The following ETV5 variants were observed in gnomAD, a reference collection of about 807,000 sequenced individuals.
The protein encoded by ETV5 is ETS translocation variant 5.
Under a neutral mutation model 70.0 loss-of-function variants are expected in ETV5, and 10 were observed. That is an observed-to-expected ratio of 0.14 (90% CI 0.09 to 0.24). The LOEUF is 0.24. ETV5 is among the 10% of genes least tolerant of loss of function. The probability of loss-of-function intolerance (pLI) is 1.00; values close to 1 mark genes in which losing one functional copy is unlikely to be tolerated. For missense variants in ETV5, 453 were observed against 651.2 expected (o/e 0.70, Z 3.31); for synonymous variants, 216 against 242.2 (o/e 0.89, Z 1.01).
At chr3:186,092,596 C>G (rs1315100436) in intron 5 of ETV5, among the ~76,000 whole-genome samples, 1 of 151,838 alleles carries the variant, frequency 6.6e-6, no homozygotes, top group African/African-American at 2.4e-5. Context: ...CCACACGCAG[C>G]TACATTTTTT....
intron 5 of ETV5, among the ~76,000 whole-genome samples, chr3:186,081,536 A>G (rs1228295811): frequency 1.3e-5 from 2 of 152,194 alleles, no homozygotes; most frequent in Non-Finnish European, 2.9e-5. Flanking sequence ...TGTTTCCAAA[A>G]AGGACAAAAC....
chr3:186,108,308 G>C (rs1455284508), intron 1 of ETV5: 1 of 450,886 alleles, frequency 2.2e-6, no homozygotes, highest in Non-Finnish European at 4.4e-6. Flanking sequence ...GTTCCGGTGC[G>C]CCCCGATTTT....
intron 5 of ETV5, among the ~76,000 whole-genome samples, chr3:186,099,604 A>C (rs563109189): frequency 2.0e-5 from 3 of 152,340 alleles, no homozygotes; most frequent in African/African-American, 7.2e-5. Flanking sequence ...TCGGCAGAGA[A>C]TCACACACCC....
chr3:186,046,820 T>A lies in ETV5; in HGVS notation c.*1819A>T, dbSNP rs902437013. 4.3e-6 allele frequency: 1 copy of A among 232,292 alleles called. No homozygotes were observed. 14.4% of individuals were successfully genotyped at this position (232,292 alleles called of 1,614,324 possible). Reference sequence around the variant, plus strand: ...GTGTAGGTTAAGAAAGCTATAAATATGGTTTAGAAAGAGTCCTTTGATTAG... The same window carrying A: ...GTGTAGGTTAAGAAAGCTATAAATAAGGTTTAGAAAGAGTCCTTTGATTAG... On this transcript the variant is annotated 3_prime_UTR_variant, in exon 13 of 13. Coordinates refer to ENST00000306376, the MANE Select transcript of ETV5 (RefSeq NM_004454.3).
intron 9 of ETV5, among the ~76,000 whole-genome samples, chr3:186,061,043 G>A (rs1021791277): frequency 6.6e-6 from 1 of 152,116 alleles, no homozygotes; most frequent in African/African-American, 2.4e-5. Flanking sequence ...ACATCACAGG[G>A]TACCCAGTGA....
intron 12 of ETV5, among the ~76,000 whole-genome samples, chr3:186,050,733 G>A (rs186246155): frequency 2.0e-5 from 3 of 152,136 alleles, no homozygotes; most frequent in Non-Finnish European, 2.9e-5. Context: ...CACTCCAGTG[G>A]GGGGTAGTAA....
At position 186,105,996 on chromosome 3, in the gene ETV5, A is replaced by T; in HGVS notation, c.-74-54T>A. 1 of 1,345,230 alleles carries T rather than the reference A, an allele frequency of 7.4e-7. No homozygotes were observed. The highest frequency in any genetic ancestry group is 1.0e-6 in the Non-Finnish European group (1 of 964,998). 83.3% of individuals were successfully genotyped at this position (1,345,230 alleles called of 1,614,324 possible). On this transcript the variant is annotated intron_variant, in intron 1 of 12. Coordinates refer to ENST00000306376, the MANE Select transcript of ETV5 (RefSeq NM_004454.3). This position sits in a 1 kb window ranked among gnomAD's most constrained non-coding sequence, Gnocchi z 4.5. ...TAAGAGGGGGGAAAAAAAGAAATGA[A>T]ACAATTTTAGACTGCCTTTTTTTTA...
At chr3:186,070,352 C>G (rs891135050) in intron 7 of ETV5, among the ~76,000 whole-genome samples, 1 of 152,240 alleles carries the variant, frequency 6.6e-6, no homozygotes, top group African/African-American at 2.4e-5. Flanking sequence ...TAGTGCTCAT[C>G]TTTTCTCACC....
chr3:186,061,068 T>A (rs998945251), intron 9 of ETV5, among the ~76,000 whole-genome samples: 48 of 152,178 alleles, frequency 3.2e-4, no homozygotes, highest in African/African-American at 1.1e-3. Context: ...ACACTCGGTC[T>A]CCCATCTAAC....
At position 186,057,594 on chromosome 3, in the gene ETV5, C is replaced by A. The variant is rs1035919879; in HGVS notation, c.971-103G>T. Reference sequence around the variant, plus strand: ...GAGTGCAATCCTATCATTTCAGATCCTAAGTCCTACTGCTGTATCTATGGC... The same window carrying A: ...GAGTGCAATCCTATCATTTCAGATCATAAGTCCTACTGCTGTATCTATGGC... On this transcript the variant is annotated intron_variant, in intron 9 of 12. Coordinates refer to ENST00000306376, the MANE Select transcript of ETV5 (RefSeq NM_004454.3). The surrounding 1 kb of genome is among the most constrained non-coding windows in gnomAD (Gnocchi z 4.9). The A allele has an allele frequency of 1.0e-6, 1 of 958,506 alleles. No individual in the cohort carries two copies. Among genetic ancestry groups the A allele is most frequent in the Non-Finnish European group, 1.7e-6 (1 of 594,974 alleles). 59.4% of individuals were successfully genotyped at this position (958,506 alleles called of 1,614,324 possible).
At chr3:186,071,864 C>T (rs1041772499) in intron 7 of ETV5, among the ~76,000 whole-genome samples, 1 of 151,678 alleles carries the variant, frequency 6.6e-6, no homozygotes, top group Non-Finnish European at 1.5e-5. Context: ...GTGGCGCGAT[C>T]TCGGCTCACC....
intron 7 of ETV5, among the ~76,000 whole-genome samples, 167 bp from the exon 8 acceptor site, chr3:186,066,239 G>A (rs914408664): frequency 4.3e-5 from 5 of 116,392 alleles, no homozygotes; most frequent in Non-Finnish European, 8.2e-5. Context: ...TGTGTATTTC[G>A]AAGCTCTTGA....
chr3:186,077,950 C>G (rs990699439), intron 7 of ETV5: 1 of 1,042,216 alleles, frequency 9.6e-7, no homozygotes, highest in African/African-American at 1.7e-5. Context: ...GTCCAAAATG[C>G]ACAGGCAGAC....
chr3:186,093,548 A>G (rs1333186578), intron 5 of ETV5, among the ~76,000 whole-genome samples: 1 of 152,242 alleles, frequency 6.6e-6, no homozygotes, highest in Non-Finnish European at 1.5e-5. Flanking sequence ...CTGGCAATCA[A>G]ATACCCAGAT....
intron 6 of ETV5, 112 bp downstream of exon 6, chr3:186,080,934 G>A: frequency 7.6e-7 from 1 of 1,323,344 alleles, no homozygotes; most frequent in South Asian, 1.4e-5. Context: ...AGAAGGATAT[G>A]TTTTACCACA....
At chr3:186,095,904 G>A (rs553486760) in intron 5 of ETV5, among the ~76,000 whole-genome samples, 4 of 152,192 alleles carry the variant, frequency 2.6e-5, no homozygotes, top group Admixed American at 6.5e-5. Context: ...GGTGGTGTGC[G>A]GGCTGTATGC....
intron 5 of ETV5, among the ~76,000 whole-genome samples, chr3:186,103,656 CACACACACACACACTT>C (rs889124088): frequency 1.4e-5 from 2 of 145,772 alleles, no homozygotes; most frequent in Admixed American, 1.5e-4. Context: ...CACACACACA[CACACACACACACACTT>C]GGATTATCTT....
At chr3:186,074,639 C>A (rs1443501620) in intron 7 of ETV5, among the ~76,000 whole-genome samples, 2 of 151,942 alleles carry the variant, frequency 1.3e-5, no homozygotes, top group Non-Finnish European at 2.9e-5. Context: ...TAGGGCTGGG[C>A]ATGGTGGCTC....
rs751594051 is a variant in ETV5, at chr3:186,064,446, C to G, written c.941G>C (p.Arg314Thr). Residue 314 changes from arginine to threonine, a missense_variant, in exon 9 of 13, where the codon AGA becomes ACA. Arg to Thr is a moderately conservative substitution (Grantham distance 71). Coordinates refer to ENST00000306376, the MANE Select transcript of ETV5 (RefSeq NM_004454.3). ...EVPNCQSSYMRGGYFSSSHEG... is the reference protein window; with the variant it reads ...EVPNCQSSYMTGGYFSSSHEG... ...ATGGCTGCTGGAGAAATAACCCCCT[C>G]TCATGTAGGATGACTGGCAGTTAGG... 3 of 1,614,168 alleles carry G rather than the reference C, an allele frequency of 1.9e-6. No homozygotes were observed. Among genetic ancestry groups the G allele is most frequent in the Non-Finnish European group, 2.5e-6 (3 of 1,180,018 alleles).
Sources: allele counts gnomAD v4.1 joint callset (sites outside exome capture counted in the v4.1 genomes callset), GRCh38; gene constraint gnomAD v4.1.1; non-coding constraint Gnocchi (gnomAD v3.1); transcripts MANE v1.5; gene names NCBI Gene and HGNC (gene_info 2026-07-23, HGNC 2026-07-21).